TTF2: variants seen among roughly 807,000 people sequenced by gnomAD.
TTF2 encodes the protein RNA polymerase II termination factor.
In TTF2, 108 loss-of-function variants were observed where a neutral mutation model predicts 142.4. The ratio of observed to expected loss-of-function variants is 0.76; its 90% confidence interval spans 0.65 to 0.89. The LOEUF (loss-of-function observed/expected upper bound fraction) is 0.89. TTF2 is among the 40% of genes least tolerant of loss of function. The pLI, the probability that TTF2 is intolerant of heterozygous loss-of-function variation, is 0.00. For synonymous variants in TTF2, 483 were observed against 506.2 expected (o/e 0.95, Z 0.61); for missense variants, 1,327 against 1,379.8 (o/e 0.96, Z 0.61).
At position 117,086,395 on chromosome 1, in the gene TTF2, T is replaced by C. The variant is rs779768329; in HGVS notation, c.2055-22T>C. 9 of 1,573,016 alleles carry C rather than the reference T, an allele frequency of 5.7e-6. No homozygotes were observed. The highest frequency in any genetic ancestry group is 7.9e-6 in the Non-Finnish European group (9 of 1,143,056). On this transcript the variant is annotated intron_variant, in intron 11 of 22. Coordinates refer to ENST00000369466, the MANE Select transcript of TTF2 (RefSeq NM_003594.4). This position sits in a 1 kb window ranked among gnomAD's most constrained non-coding sequence, Gnocchi z 4.2. Reference sequence around the variant, plus strand: ...CCTCTATAGTGGGACCATTTATTGATTTCTTTGTTATGTCTACGCAGCCTC... The same window carrying C: ...CCTCTATAGTGGGACCATTTATTGACTTCTTTGTTATGTCTACGCAGCCTC...
rs181727620 is a variant in TTF2, at chr1:117,094,848, G to A, written c.2977-461G>A. ...GTGCTATGATAGTACTTGGGCAGTG[G>A]GCACCTAACCTGTACTTTGGGGGTT... On this transcript the variant is annotated intron_variant, in intron 18 of 22. Coordinates refer to ENST00000369466, the MANE Select transcript of TTF2 (RefSeq NM_003594.4). The A allele has an allele frequency of 5.1e-4, 179 of 349,214 alleles. 1 individual carries two copies. The highest frequency in any genetic ancestry group is 3.2e-3 in the African/African-American group (147 of 45,680). The allele number at this position is 349,214 out of a possible 1,614,324, so 21.6% of individuals were successfully genotyped here. A position where few individuals can be genotyped will look rare whatever the true frequency, so the allele number is the denominator to read the frequency against.
chr1:117,090,360 A>G lies in TTF2; in HGVS notation c.2496+152A>G, dbSNP rs1648459786. On this transcript the variant is annotated intron_variant, in intron 14 of 22. Coordinates refer to ENST00000369466, the MANE Select transcript of TTF2 (RefSeq NM_003594.4). The surrounding 1 kb of genome is among the most constrained non-coding windows in gnomAD (Gnocchi z 4.8). ...GCCCCAGGGTTGCAGTTCCATGCCT[A>G]GTGTCATAGCAATCCAGTTGTACTG... is the stretch of plus-strand genomic sequence containing the variant. The G allele has an allele frequency of 5.7e-6, 7 of 1,218,408 alleles. No homozygotes were observed. Among genetic ancestry groups the G allele is most frequent in the Non-Finnish European group, 8.1e-6 (7 of 866,488 alleles). The allele number at this position is 1,218,408 out of a possible 1,614,324, so 75.5% of individuals were successfully genotyped here. A position where few individuals can be genotyped will look rare whatever the true frequency, so the allele number is the denominator to read the frequency against.
intron 3 of TTF2, among the ~76,000 whole-genome samples, chr1:117,069,672 T>A (rs1408724764): frequency 6.6e-6 from 1 of 152,216 alleles, no homozygotes; most frequent in African/African-American, 2.4e-5. Flanking sequence ...AATTAAGGTG[T>A]CTGATGTTTC....
chr1:117,077,904 A>G lies in TTF2; in HGVS notation c.1574-12A>G, dbSNP rs1285691980. Reference sequence around the variant, plus strand: ...TTGTGACATCTTTTAGGTAACACCTATTTGTATGCAGGCCATACAAACCAA... The same window carrying G: ...TTGTGACATCTTTTAGGTAACACCTGTTTGTATGCAGGCCATACAAACCAA... On this transcript the variant is annotated splice_polypyrimidine_tract_variant and intron_variant, in intron 7 of 22. Transcript: ENST00000369466. 6.2e-7 allele frequency: 1 copy of G among 1,613,992 alleles called. No homozygotes were observed. Among genetic ancestry groups the G allele is most frequent in the Non-Finnish European group, 8.5e-7 (1 of 1,179,898 alleles).
chr1:117,065,755 G>A (rs1049476157), intron 3 of TTF2, among the ~76,000 whole-genome samples: 12 of 142,132 alleles, frequency 8.4e-5, no homozygotes, highest in Admixed American at 1.5e-4. Context: ...TGGTATAGTA[G>A]GGCTGGTAAG....
Position 117,085,918 on chromosome 1 carries a change from C to A in TTF2, c.2055-499C>A, listed in dbSNP as rs1647955978. Among the ~76,000 whole-genome samples, 1 of 152,002 alleles carries A rather than the reference C, an allele frequency of 6.6e-6. No homozygotes were observed. The highest frequency in any genetic ancestry group is 1.5e-5 in the Non-Finnish European group (1 of 68,012). ...CTAGATCAGTGAATTTTCACAAATCCATTATAGAGTGGTGGGAGGAAAGCA... is the reference window on the plus strand; with the variant it reads ...CTAGATCAGTGAATTTTCACAAATCAATTATAGAGTGGTGGGAGGAAAGCA... On this transcript the variant is annotated intron_variant, in intron 11 of 22. Transcript: ENST00000369466. The surrounding 1 kb of genome is among the most constrained non-coding windows in gnomAD (Gnocchi z 4.7).
intron 18 of TTF2, among the ~76,000 whole-genome samples, chr1:117,095,004 A>G (rs1304082826): frequency 6.6e-6 from 1 of 152,150 alleles, no homozygotes; most frequent in Non-Finnish European, 1.5e-5. Flanking sequence ...GTGTCGTTTG[A>G]GGAGGGCATG....
In TTF2 at chr1:117,060,365, C is replaced by A. The variant is rs753789309; in HGVS notation, c.19C>A (p.Pro7Thr). The change falls in exon 1 of 23, where the codon CCA becomes ACA. Residue 7 changes from proline to threonine, a missense_variant. Pro to Thr is a conservative substitution (Grantham distance 38). Coordinates refer to ENST00000369466, the MANE Select transcript of TTF2 (RefSeq NM_003594.4). ...CAGCGAAATGGAAGAAGTTAGGTGT[C>A]CAGAGCACGGTAAGGGGCTAGGGTC... The part of the protein sequence containing the change: MEEVRC[P>T]EHGTFCFLKT... 5 of 1,604,240 alleles carry A rather than the reference C, an allele frequency of 3.1e-6. No homozygotes were observed. Among genetic ancestry groups the A allele is most frequent in the Admixed American group, 1.7e-5 (1 of 58,150 alleles).
Position 117,079,481 on chromosome 1 carries a change from T to A in TTF2, c.1702-87T>A. Reference sequence around the variant, plus strand: ...TACTGAGGGAATCATTTGTAGAAAATAGGAGAGTGTAGAGTTCGTGTAGCC... The same window carrying A: ...TACTGAGGGAATCATTTGTAGAAAAAAGGAGAGTGTAGAGTTCGTGTAGCC... On this transcript the variant is annotated intron_variant, in intron 8 of 22. Coordinates refer to ENST00000369466, the MANE Select transcript of TTF2 (RefSeq NM_003594.4). The surrounding 1 kb of genome is among the most constrained non-coding windows in gnomAD (Gnocchi z 4.2). 3 of 1,220,678 alleles carry A rather than the reference T, an allele frequency of 2.5e-6. No homozygotes were observed. In the East Asian group the frequency reaches 7.0e-5, roughly 28 times the overall value. The allele number at this position is 1,220,678 out of a possible 1,614,324, so 75.6% of individuals were successfully genotyped here.
Position 117,088,908 on chromosome 1 carries a change from A to G in TTF2, c.2268A>G (p.Leu756=). 6.2e-7 allele frequency: 1 copy of G among 1,614,088 alleles called. No individual in the cohort carries two copies. Residue 756 remains leucine (L), a synonymous_variant, in exon 13 of 23, where the codon CTA becomes CTG. Transcript: ENST00000369466. ...AGACTTCCATAGCTGTGTGTAAGCTACAAGCCTGTGCCCGTTGGGCTGTCA... is the reference window on the plus strand; with the variant it reads ...AGACTTCCATAGCTGTGTGTAAGCTGCAAGCCTGTGCCCGTTGGGCTGTCA... ...RVQTSIAVCK[L]QACARWAVTG... is the part of the protein sequence containing the mutation.
In TTF2 at chr1:117,089,051, C is replaced by G. The variant is rs974880911; in HGVS notation, c.2342+69C>G. 9 of 1,492,664 alleles carry G rather than the reference C, an allele frequency of 6.0e-6. No individual in the cohort carries two copies. The Admixed American group carries it at 2.0e-4, about 33-fold the overall frequency. The allele number at this position is 1,492,664 out of a possible 1,614,324, so 92.5% of individuals were successfully genotyped here. On this transcript the variant is annotated intron_variant, in intron 13 of 22. Coordinates refer to ENST00000369466, the MANE Select transcript of TTF2 (RefSeq NM_003594.4). ...ATCCCTTCATCATTATTTCATGTCT[C>G]ATAATAAAGCCTTAGTATGTGCCAG...
chr1:117,089,017 CCT>C (rs1648300825), intron 13 of TTF2, 35 bp downstream of exon 13: 2 of 1,562,418 alleles, frequency 1.3e-6, no homozygotes, highest in African/African-American at 2.8e-5. Context: ...AAATATGAAC[CCT>C]GTCTGTATCC....
In TTF2 at chr1:117,063,653, G is replaced by A. The variant is rs554314803; in HGVS notation, c.218+1180G>A. ...CTATTTGCCATCAGAAAATCTCGAC[G>A]TTATCTGTTTAAATATTTTATCCTT... On this transcript the variant is annotated intron_variant, in intron 3 of 22. Coordinates refer to ENST00000369466, the MANE Select transcript of TTF2 (RefSeq NM_003594.4). The surrounding 1 kb of genome is among the most constrained non-coding windows in gnomAD (Gnocchi z 4.1). 3.3e-5 allele frequency among the ~76,000 whole-genome samples: 5 copies of A among 151,998 alleles called. No homozygotes were observed. The highest frequency in any genetic ancestry group is 7.4e-5 in the Non-Finnish European group (5 of 67,994).
chr1:117,070,876 G>A lies in TTF2; in HGVS notation c.219-2785G>A, dbSNP rs906466809. On this transcript the variant is annotated intron_variant, in intron 3 of 22. Coordinates refer to ENST00000369466, the MANE Select transcript of TTF2 (RefSeq NM_003594.4). This position sits in a 1 kb window ranked among gnomAD's most constrained non-coding sequence, Gnocchi z 4.2. The stretch of plus-strand genomic sequence containing the variant: ...TGGGCTTGTTCATCTTTGTTTATGT[G>A]TCCTGGTGAAGTAGTGGCATCAAGG... Among the ~76,000 whole-genome samples the A allele has an allele frequency of 1.3e-5, 2 of 152,080 alleles. No individual in the cohort carries two copies. Among genetic ancestry groups the A allele is most frequent in the East Asian group, 3.9e-4 (2 of 5,194 alleles).
intron 9 of TTF2, among the ~76,000 whole-genome samples, chr1:117,081,518 A>C (rs1647507782): frequency 2.0e-5 from 3 of 152,224 alleles, no homozygotes; most frequent in African/African-American, 7.2e-5. Flanking sequence ...AAACTGTAAT[A>C]GATATCAGTC....
intron 3 of TTF2, 35 bp downstream of exon 3, chr1:117,062,508 CTTTT>C (rs35553508): frequency 5.5e-5 from 71 of 1,290,160 alleles, no homozygotes; most frequent in South Asian, 8.4e-5. Flanking sequence ...AGTGTATTTG[CTTTT>C]TTTTTTTTTT....
chr1:117,082,423 G>A (rs1279445701), intron 10 of TTF2, among the ~76,000 whole-genome samples: 1 of 152,070 alleles, frequency 6.6e-6, no homozygotes, highest in Non-Finnish European at 1.5e-5. Context: ...CATGTTGCCT[G>A]GCTGGTCTCA....
chr1:117,079,571 C>G lies in TTF2; in HGVS notation c.1705C>G (p.Pro569Ala). Reference protein sequence around the residue: ...VAEDPAGLKVPLLLHQKQALA... With the variant: ...VAEDPAGLKVALLLHQKQALA... ...ATTTGGTTATTACCTTTGTCAGGTC[C>G]CTTTGCTACTACACCAGAAGCAGGC... is the stretch of plus-strand genomic sequence containing the variant. Residue 569 changes from proline (P) to alanine (A), a missense_variant, in exon 9 of 23, where the codon CCT becomes GCT. Pro to Ala is a conservative substitution (Grantham distance 27). Transcript: ENST00000369466. The surrounding 1 kb of genome is among the most constrained non-coding windows in gnomAD (Gnocchi z 4.2). 6.2e-7 allele frequency: 1 copy of G among 1,614,148 alleles called. No individual in the cohort carries two copies. Among genetic ancestry groups the G allele is most frequent in the Non-Finnish European group, 8.5e-7 (1 of 1,180,000 alleles).
At chr1:117,081,804 C>G (rs755610011) in intron 9 of TTF2, 24 bp from the exon 10 acceptor site, 1 of 1,608,818 alleles carries the variant, frequency 6.2e-7, no homozygotes, top group Non-Finnish European at 8.5e-7. Flanking sequence ...AATTAACTCT[C>G]TTAATTTTGC....
Sources: gnomAD v4.1 joint callset for allele counts (sites outside exome capture counted in the v4.1 genomes callset) on GRCh38, gnomAD v4.1.1 for gene constraint, Gnocchi (gnomAD v3.1) non-coding constraint, MANE v1.5 for transcripts, NCBI Gene and HGNC (gene_info 2026-07-23, HGNC 2026-07-21) for gene names.